The following SLCO1A2 variants were observed in gnomAD, a reference collection of about 807,000 sequenced individuals.
SLCO1A2 encodes OATP-1.
SLCO1A2 carries 67 observed loss-of-function variants against 69.0 expected under a neutral mutation model. The ratio of observed to expected loss-of-function variants is 0.97; its 90% CI spans 0.80 to 1.19. SLCO1A2 has a LOEUF of 1.19. SLCO1A2 is among the 50% of genes most tolerant of loss of function. The probability of loss-of-function intolerance (pLI) is 0.00; values close to 1 mark genes in which losing one functional copy is unlikely to be tolerated. For missense variants in SLCO1A2, 787 were observed against 793.7 expected (o/e 0.99, Z 0.10); for synonymous variants, 260 against 265.9 (o/e 0.98, Z 0.22).
intron 3 of SLCO1A2, 92 bp from the exon 4 acceptor site, chr12:21,314,773 G>A (rs1950666979): frequency 1.1e-6 from 1 of 905,386 alleles, no homozygotes; most frequent in Non-Finnish European, 1.7e-6. Flanking sequence ...AGCATTTACT[G>A]CATAACAACT....
intron 8 of SLCO1A2, among the ~76,000 whole-genome samples, chr12:21,299,789 TACACAC>T (rs770148625): frequency 8.5e-6 from 1 of 117,478 alleles, no homozygotes; most frequent in East Asian, 5.2e-4. Context: ...TATATATATA[TACACAC>T]ACACGTATAT....
intron 2 of SLCO1A2, among the ~76,000 whole-genome samples, chr12:21,351,050 T>C (rs1373765168): frequency 6.6e-6 from 1 of 152,104 alleles, no homozygotes; most frequent in Admixed American, 6.5e-5. Flanking sequence ...CAGCCTGTAT[T>C]CCAACCCAGT....
intron 1 of SLCO1A2, among the ~76,000 whole-genome samples, chr12:21,406,528 C>A (rs1299121970): frequency 1.3e-5 from 2 of 152,178 alleles, no homozygotes; most frequent in Non-Finnish European, 2.9e-5. Context: ...TTTCTATTCT[C>A]TGGTAAAAAT....
At chr12:21,362,673 C>T (rs777606842) in intron 2 of SLCO1A2, among the ~76,000 whole-genome samples, 3 of 152,044 alleles carry the variant, frequency 2.0e-5, no homozygotes, top group South Asian at 2.1e-4. Flanking sequence ...CGCAGAGACA[C>T]GCATAGGCTC....
In SLCO1A2 at chr12:21,358,501, A is replaced by G. The variant is rs1429034833; in HGVS notation, c.-63+15898T>C. On this transcript the variant is annotated intron_variant, in intron 2 of 15. Transcript: ENST00000307378. Reference sequence around the variant, plus strand: ...CCTAGAGAAATGTCATCCATGGCTTAGTACTAACACAAAAAGTATTATAAT... The same window carrying G: ...CCTAGAGAAATGTCATCCATGGCTTGGTACTAACACAAAAAGTATTATAAT... Among the ~76,000 whole-genome samples the G allele has an allele frequency of 1.3e-5, 2 of 152,238 alleles. 1 individual carries two copies. The highest frequency in any genetic ancestry group is 6.3e-3 in the Middle Eastern group (2 of 316).
At chr12:21,357,608 AT>A (rs1938476519) in intron 2 of SLCO1A2, among the ~76,000 whole-genome samples, 1 of 152,222 alleles carries the variant, frequency 6.6e-6, no homozygotes, top group African/African-American at 2.4e-5. Context: ...TTAGCGTCCA[AT>A]AGATGCTCTA....
Position 21,361,820 on chromosome 12 carries a change from T to C in SLCO1A2, c.-63+12579A>G, listed in dbSNP as rs541363454. On this transcript the variant is annotated intron_variant, in intron 2 of 15. Coordinates refer to the SLCO1A2 transcript ENST00000307378. Reference sequence around the variant, plus strand: ...GTGATTGAAGATCAAATGAATGAAATGCAGGGAGAAGAGAAGTTTAGAGAA... The same window carrying C: ...GTGATTGAAGATCAAATGAATGAAACGCAGGGAGAAGAGAAGTTTAGAGAA... Among the ~76,000 whole-genome samples the C allele has an allele frequency of 1.1e-3, 167 of 152,076 alleles. 4 individuals are homozygous for C. In the South Asian group the frequency reaches 0.016, roughly 14 times the overall value.
Position 21,416,453 on chromosome 12 carries a change from T to G in SLCO1A2, c.-312+1429A>C, listed in dbSNP as rs185832286. ...TCAAGTTTATATTTCAATTATTTGT[T>G]CCCAAGTATAAACATTATATCATTA... On this transcript the variant is annotated intron_variant, in intron 1 of 4. Coordinates refer to the SLCO1A2 transcript ENST00000413682. 3.0e-3 allele frequency among the ~76,000 whole-genome samples: 459 copies of G among 152,090 alleles called. 1 individual carries two copies. Among genetic ancestry groups the G allele is most frequent in the Non-Finnish European group, 4.6e-3 (313 of 67,982 alleles).
In SLCO1A2 at chr12:21,265,191, G is replaced by A. The variant is rs2219790; in HGVS notation, c.*4357C>T. ...TCCTAATGAATTCATGTGTTTTTCC[G>A]TAAGTTGTTTTCACCTGCTACCATT... On this transcript the variant is annotated 3_prime_UTR_variant, in exon 15 of 15. Coordinates refer to ENST00000683939, the MANE Select transcript of SLCO1A2 (RefSeq NM_001386879.1). 1 allele frequency: 152,404 copies of A among 152,416 alleles called. 76,196 individuals carry two copies. The highest frequency in any genetic ancestry group is 1 in the Non-Finnish European group (68,116 of 68,116). The allele number at this position is 152,416 out of a possible 1,614,324, so 9.4% of individuals were successfully genotyped here. A position where few individuals can be genotyped will look rare whatever the true frequency, so the allele number is the denominator to read the frequency against.
chr12:21,412,359 G>A (rs1347608978), intron 1 of SLCO1A2, among the ~76,000 whole-genome samples: 1 of 151,644 alleles, frequency 6.6e-6, no homozygotes, highest in African/African-American at 2.4e-5. Flanking sequence ...CCAGCCTGGT[G>A]ATAGAGTGAG....
intron 2 of SLCO1A2, among the ~76,000 whole-genome samples, chr12:21,341,647 T>A (rs1953071743): frequency 6.6e-6 from 1 of 152,058 alleles, no homozygotes; most frequent in Non-Finnish European, 1.5e-5. Flanking sequence ...TGTTCCTGAC[T>A]GGAGTCACGA....
chr12:21,403,939 T>C (rs751901986), intron 1 of SLCO1A2, among the ~76,000 whole-genome samples: 1 of 152,086 alleles, frequency 6.6e-6, no homozygotes, highest in Non-Finnish European at 1.5e-5. Context: ...ACACATATAT[T>C]TGAGCATGAG....
At chr12:21,357,712 G>C (rs1477549268) in intron 2 of SLCO1A2, among the ~76,000 whole-genome samples, 4 of 151,624 alleles carry the variant, frequency 2.6e-5, no homozygotes, top group Non-Finnish European at 5.9e-5. Flanking sequence ...ATTTGTTTCT[G>C]TGTTTATTTT....
chr12:21,388,576 TC>T (rs548667677), intron 1 of SLCO1A2, among the ~76,000 whole-genome samples: 155 of 152,198 alleles, frequency 1.0e-3, no homozygotes, highest in African/African-American at 3.7e-3. Context: ...GAACTATGAG[TC>T]CCTTAAATCT....
intron 5 of SLCO1A2, among the ~76,000 whole-genome samples, chr12:21,304,787 G>T (rs377669800): frequency 7.9e-5 from 12 of 152,130 alleles, no homozygotes; most frequent in African/African-American, 2.9e-4. Flanking sequence ...ATATGCTGGA[G>T]CCAGTCCCTA....
At chr12:21,354,533 G>A (rs569259577) in intron 2 of SLCO1A2, among the ~76,000 whole-genome samples, 78 of 152,052 alleles carry the variant, frequency 5.1e-4, no homozygotes, top group African/African-American at 1.7e-3. Context: ...AATTTTTTCC[G>A]TCATAGTCTC....
intron 3 of SLCO1A2, among the ~76,000 whole-genome samples, chr12:21,317,351 A>G (rs1390275598): frequency 6.6e-6 from 1 of 152,120 alleles, no homozygotes; most frequent in Non-Finnish European, 1.5e-5. Flanking sequence ...TGCTTCTCAC[A>G]TAGGCTATTG....
intron 8 of SLCO1A2, among the ~76,000 whole-genome samples, chr12:21,298,967 G>A (rs145321332): frequency 2.2e-3 from 340 of 152,130 alleles, no homozygotes; most frequent in African/African-American, 7.8e-3. Context: ...TAACTTATGG[G>A]TGATGATAGA....
At chr12:21,346,019 CAA>C (rs1259813862) in intron 2 of SLCO1A2, among the ~76,000 whole-genome samples, 1 of 151,448 alleles carries the variant, frequency 6.6e-6, no homozygotes, top group African/African-American at 2.4e-5. Flanking sequence ...CAAACATAAT[CAA>C]GAAGAATAAA....
Sources: gnomAD v4.1 joint callset for allele counts (sites outside exome capture counted in the v4.1 genomes callset) on GRCh38, gnomAD v4.1.1 for gene constraint, MANE v1.5 for transcripts, NCBI Gene and HGNC (gene_info 2026-07-23, HGNC 2026-07-21) for gene names.